Variants in TOP2A observed in about 807,000 individuals in gnomAD.
TOP2A encodes DNA topoisomerase II alpha.
TOP2A carries 68 observed loss-of-function variants against 187.2 expected under a neutral mutation model. The ratio of observed to expected loss-of-function variants is 0.36; its 90% CI spans 0.30 to 0.44. The LOEUF (loss-of-function observed/expected upper bound fraction) is 0.44, where lower values mean the gene tolerates loss of function less well. TOP2A is among the 20% of genes least tolerant of loss of function. The pLI is 1.00. For synonymous variants in TOP2A, 542 were observed against 593.2 expected (o/e 0.91, Z 1.25); for missense variants, 1,196 against 1,808.7 (o/e 0.66, Z 6.14).
rs200144448 is a variant in TOP2A, at chr17:40,390,114, C to T, written c.4318G>A (p.Gly1440Arg). The change falls in exon 34 of 35, where the codon GGA (glycine) becomes AGA (arginine). Residue 1440 changes from glycine (G) to arginine (R), a missense_variant. Physicochemically the swap from Gly to Arg is moderately radical, Grantham distance 125. Around this residue, in one of 10 missense-constraint regions of TOP2A, gnomAD observed 374 missense variants for 403.3 expected, o/e 0.93. Transcript: ENST00000423485. ...TTCAAAGCTGGATCCCTTTTAGTTCCTTTTGGGGCAGCCCTTTTTTTGGCA... is the reference window on the plus strand; with the variant it reads ...TTCAAAGCTGGATCCCTTTTAGTTCTTTTTGGGGCAGCCCTTTTTTTGGCA... ...TGAKKRAAPK[G>R]TKRDPALNSG... 41 of 1,613,676 alleles carry T rather than the reference C, an allele frequency of 2.5e-5. No individual in the cohort carries two copies. Among genetic ancestry groups the T allele is most frequent in the Non-Finnish European group, 1.7e-6 (2 of 1,179,802 alleles).
intron 33 of TOP2A, among the ~76,000 whole-genome samples, chr17:40,390,624 A>ATTT (rs202246173): frequency 0.016 from 2,048 of 129,762 alleles, 26 homozygotes; most frequent in Non-Finnish European, 0.024. Flanking sequence ...TAAACATTCT[A>ATTT]TTTTTTTTTT....
intron 29 of TOP2A, among the ~76,000 whole-genome samples, chr17:40,394,605 T>C (rs2035066914): frequency 6.6e-6 from 1 of 152,184 alleles, no homozygotes; most frequent in South Asian, 2.1e-4. Flanking sequence ...AGTGCTGGGA[T>C]TACAGGCATA....
intron 3 of TOP2A, 116 bp downstream of exon 3, chr17:40,416,306 A>G (rs1486016041): frequency 1.3e-6 from 1 of 778,890 alleles, no homozygotes; most frequent in Non-Finnish European, 2.1e-6. Context: ...TGGCTACAGC[A>G]GGTTTGGTAG....
rs1330795155 is a variant in TOP2A at position 40,392,638 on chromosome 17, T to C, written c.3911A>G (p.Asp1304Gly). The change falls in exon 30 of 35, where the codon GAC (aspartate) becomes GGC (glycine). Residue 1304 changes from aspartate to glycine, a missense_variant. By Grantham distance (94) the Asp-to-Gly change is moderately conservative. Around this residue, in one of 10 missense-constraint regions of TOP2A, gnomAD observed 374 missense variants for 403.3 expected, o/e 0.93. Coordinates refer to ENST00000423485, the MANE Select transcript of TOP2A (RefSeq NM_001067.4). ...WSDSESDRSS[D>G]ESNFDVPPRE... ...TGGAGGGACATCAAAATTACTTTCG[T>C]CACTGCTCCTATCTGATTCTGAATC... The C allele has an allele frequency of 1.2e-6, 2 of 1,613,434 alleles. No individual in the cohort carries two copies. Among genetic ancestry groups the C allele is most frequent in the African/African-American group, 1.3e-5 (1 of 74,916 alleles).
intron 10 of TOP2A, chr17:40,409,312 G>A: frequency 2.8e-6 from 1 of 356,888 alleles, no homozygotes; most frequent in Non-Finnish European, 5.4e-6. Context: ...GGAGGCGCGG[G>A]TTGCAGTGAA....
intron 4 of TOP2A, among the ~76,000 whole-genome samples, chr17:40,415,155 T>C (rs1459595490): frequency 1.3e-5 from 2 of 151,458 alleles, no homozygotes; most frequent in Admixed American, 6.6e-5. Context: ...CCCGGGTTCA[T>C]GCCATTCTCC....
intron 4 of TOP2A, among the ~76,000 whole-genome samples, 156 bp from the exon 5 acceptor site, chr17:40,413,781 G>C (rs1479938419): frequency 6.6e-6 from 1 of 152,176 alleles, no homozygotes; most frequent in Non-Finnish European, 1.5e-5. Flanking sequence ...GGCTGAGGAG[G>C]GCAGATCACT....
chr17:40,392,813 A>G (rs2035042299), intron 29 of TOP2A, 76 bp from the exon 30 acceptor site: 1 of 1,163,860 alleles, frequency 8.6e-7, no homozygotes, highest in African/African-American at 1.6e-5. Context: ...TCCATCCTTC[A>G]AATTTATTAA....
intron 10 of TOP2A, chr17:40,410,601 G>T: frequency 2.2e-6 from 1 of 456,230 alleles, no homozygotes; most frequent in Non-Finnish European, 4.4e-6. Context: ...AGAGATAATG[G>T]TGAGAAGCTA....
intron 10 of TOP2A, 108 bp from the exon 11 acceptor site, chr17:40,408,738 A>G (rs1441658267): frequency 8.2e-6 from 10 of 1,216,544 alleles, no homozygotes; most frequent in Non-Finnish European, 1.2e-5. Flanking sequence ...TTCAAAAATT[A>G]AAAAGATGTA....
chr17:40,399,207 A>G, intron 24 of TOP2A, 76 bp from the exon 25 acceptor site: 1 of 1,052,000 alleles, frequency 9.5e-7, no homozygotes, highest in Non-Finnish European at 1.4e-6. Context: ...TACACAAGTC[A>G]AAAGTTTAAA....
chr17:40,392,381 G>C, intron 30 of TOP2A, 40 bp from the exon 31 acceptor site: 1 of 1,559,054 alleles, frequency 6.4e-7, no homozygotes, highest in Non-Finnish European at 8.7e-7. Context: ...AAAGAGGGTA[G>C]TAGGAGAAAC....
chr17:40,400,367 C>T lies in TOP2A; in HGVS notation c.2842G>A (p.Glu948Lys), dbSNP rs919527849. 9.3e-6 allele frequency: 15 copies of T among 1,613,376 alleles called. No homozygotes were observed. The highest frequency in any genetic ancestry group is 2.2e-5 in the East Asian group (1 of 44,850). ...QVLEPMLNGT[E>K]KTPPLITDYR... ...TCTGTTATGAGAGGAGGTGTCTTCT[C>T]GGTGCCATTCAACATGGGTTCTAGA... The change falls in exon 23 of 35, where the codon GAG becomes AAG. Residue 948 changes from glutamate to lysine, a missense_variant. By Grantham distance (56) the Glu-to-Lys change is moderately conservative. Around this residue, in one of 10 missense-constraint regions of TOP2A, gnomAD observed 232 missense variants for 306.1 expected, o/e 0.76. Coordinates refer to ENST00000423485, the MANE Select transcript of TOP2A (RefSeq NM_001067.4).
chr17:40,411,529 T>C lies in TOP2A; in HGVS notation c.964-74A>G, dbSNP rs1459614811. 6.4e-7 allele frequency: 1 copy of C among 1,559,900 alleles called. No homozygotes were observed. The stretch of plus-strand genomic sequence containing the variant: ...TAATAATCAAACATTAAAAACTAAT[T>C]TAACCTCCTTTATACTAAGCTAGCC... On this transcript the variant is annotated intron_variant, in intron 8 of 34. Transcript: ENST00000423485. This position sits in a 1 kb window ranked among gnomAD's most constrained non-coding sequence, Gnocchi z 4.4.
intron 34 of TOP2A, 27 bp downstream of exon 34, chr17:40,389,938 A>G (rs774423141): frequency 8.2e-6 from 13 of 1,594,222 alleles, no homozygotes; most frequent in Non-Finnish European, 9.4e-6. Flanking sequence ...ATCTACAGCA[A>G]AAGGACTGAC....
At position 40,407,689 on chromosome 17, in the gene TOP2A, T is replaced by TA. The variant is rs2035266134; in HGVS notation, c.1501-16dup. On this transcript the variant is annotated splice_polypyrimidine_tract_variant and intron_variant, in intron 12 of 34. Coordinates refer to ENST00000423485, the MANE Select transcript of TOP2A (RefSeq NM_001067.4). ...TTTTCCATGATCTGAAATGGACATA[T>TA]ACCAAAAAAAGCATCGTTTATAAAT... The TA allele has an allele frequency of 6.4e-7, 1 of 1,559,390 alleles. No individual in the cohort carries two copies. Among genetic ancestry groups the TA allele is most frequent in the South Asian group, 1.2e-5 (1 of 81,654 alleles).
intron 24 of TOP2A, 46 bp from the exon 25 acceptor site, chr17:40,399,177 T>G (rs957079650): frequency 7.6e-7 from 1 of 1,318,330 alleles, no homozygotes; most frequent in Non-Finnish European, 1.1e-6. Context: ...GAGTAATATT[T>G]TAGGAAGGGG....
chr17:40,404,927 T>C (rs774941248), intron 16 of TOP2A, 44 bp from the exon 17 acceptor site: 37 of 1,133,654 alleles, frequency 3.3e-5, no homozygotes, highest in Non-Finnish European at 2.6e-6. Context: ...ACTAATAGGC[T>C]AATAGGTTCC....
At position 40,398,908 on chromosome 17, in the gene TOP2A, ACT is replaced by A; in HGVS notation, c.3316_3317del (p.Ser1106Ter). The A allele has an allele frequency of 6.2e-7, 1 of 1,610,052 alleles. No individual in the cohort carries two copies. Among genetic ancestry groups the A allele is most frequent in the Non-Finnish European group, 8.5e-7 (1 of 1,178,690 alleles). On this transcript the variant is annotated frameshift_variant, in exon 26 of 35. Coordinates refer to ENST00000423485, the MANE Select transcript of TOP2A (RefSeq NM_001067.4). LOFTEE classifies it high-confidence loss of function. ...KVPDEEENEE[S>X]DNEKETEKSD... ...TCTTTTCAGTTTCCTTTTCGTTGTC[ACT>A]CTCTTCATTTTCTTCTTCATCTGGA...
Sources: gnomAD v4.1 joint callset for allele counts (sites outside exome capture counted in the v4.1 genomes callset) on GRCh38, gnomAD v4.1.1 for gene constraint, gnomAD v4.1.1 regional missense constraint, Gnocchi (gnomAD v3.1) non-coding constraint, MANE v1.5 for transcripts, NCBI Gene and HGNC (gene_info 2026-07-23, HGNC 2026-07-21) for gene names.